RTF2: variants seen among roughly 807,000 people sequenced by gnomAD.
RTF2 encodes the protein UPF0549 protein C20orf43.
RTF2 carries 18 observed loss-of-function variants against 38.0 expected under a neutral mutation model. The observed-to-expected ratio is 0.47, with a 90% CI of 0.33 to 0.70. The LOEUF (loss-of-function observed/expected upper bound fraction) is 0.70, where lower values mean the gene tolerates loss of function less well. Among genes scored for constraint, RTF2 ranks in the 30% least tolerant of loss-of-function variants. The pLI is 0.02. For missense variants in RTF2, 311 were observed against 379.6 expected (o/e 0.82, Z 1.50); for synonymous variants, 126 against 137.1 (o/e 0.92, Z 0.57).
At chr20:56,501,815 C>T (rs1039657313) in intron 5 of RTF2, among the ~76,000 whole-genome samples, 1 of 152,110 alleles carries the variant, frequency 6.6e-6, no homozygotes, top group African/African-American at 2.4e-5. Flanking sequence ...CTGTAGTGAG[C>T]CGTGATCATG....
intron 5 of RTF2, among the ~76,000 whole-genome samples, chr20:56,485,974 GA>G (rs1982774676): frequency 6.6e-6 from 1 of 152,166 alleles, no homozygotes; most frequent in Non-Finnish European, 1.5e-5. Context: ...TTTATAAAGG[GA>G]GGGGCATTTG....
Position 56,476,856 on chromosome 20 carries a change from A to C in RTF2, c.259-129A>C. The stretch of plus-strand genomic sequence containing the variant: ...TATATCCATGTTTCTTATGGACCAG[A>C]GGAAAGTAACTGTGAGGGAGAGGTT... On this transcript the variant is annotated intron_variant, in intron 3 of 8. Coordinates refer to ENST00000357348, the MANE Select transcript of RTF2 (RefSeq NM_016407.5). 1.2e-5 allele frequency: 10 copies of C among 829,480 alleles called. No homozygotes were observed. The South Asian group carries it at 1.6e-4, about 14-fold the overall frequency. The allele number at this position is 829,480 out of a possible 1,614,324, so 51.4% of individuals were successfully genotyped here.
intron 5 of RTF2, among the ~76,000 whole-genome samples, chr20:56,512,138 C>T (rs140422447): frequency 1.5e-3 from 221 of 152,280 alleles, no homozygotes; most frequent in African/African-American, 5.0e-3. Context: ...TAAGCCACCG[C>T]GCCCAGTCTT....
rs936099674 is a variant in RTF2 at position 56,518,472 on chromosome 20, C to T, written c.*207C>T. 40 of 467,614 alleles carry T rather than the reference C, an allele frequency of 8.6e-5. No individual in the cohort carries two copies. The highest frequency in any genetic ancestry group is 1.4e-4 in the Non-Finnish European group (38 of 270,848). The allele number at this position is 467,614 out of a possible 1,614,324, so 29.0% of individuals were successfully genotyped here. ...GACATGGGAGGGGCTGCACAGTGGC[C>T]CGAGGTCATGCTTGCTTCCACCTGC... On this transcript the variant is annotated 3_prime_UTR_variant, in exon 9 of 9. Coordinates refer to ENST00000357348, the MANE Select transcript of RTF2 (RefSeq NM_016407.5).
chr20:56,490,048 T>G (rs902407426), intron 5 of RTF2, among the ~76,000 whole-genome samples: 3 of 152,236 alleles, frequency 2.0e-5, no homozygotes, highest in African/African-American at 7.2e-5. Flanking sequence ...GAAGAAAGAT[T>G]TGTTTAAACA....
At chr20:56,506,030 G>A (rs937884152) in intron 5 of RTF2, among the ~76,000 whole-genome samples, 12 of 152,126 alleles carry the variant, frequency 7.9e-5, no homozygotes, top group African/African-American at 2.4e-4. Context: ...GATGGGCACC[G>A]TCACGTATGG....
chr20:56,496,970 G>A (rs1413845593), intron 5 of RTF2: 1 of 1,551,590 alleles, frequency 6.4e-7, no homozygotes, highest in Non-Finnish European at 8.7e-7. Context: ...TTTCTCTGTT[G>A]GTTTTGATGG....
At chr20:56,477,570 A>G (rs1187192664) in intron 4 of RTF2, among the ~76,000 whole-genome samples, 2 of 152,080 alleles carry the variant, frequency 1.3e-5, no homozygotes, top group East Asian at 1.9e-4. Flanking sequence ...TTAAGTAGAA[A>G]TAAGGTCTCA....
intron 4 of RTF2, among the ~76,000 whole-genome samples, chr20:56,480,694 A>G (rs1000233454): frequency 6.6e-6 from 1 of 152,220 alleles, no homozygotes; most frequent in African/African-American, 2.4e-5. Flanking sequence ...CTTAAAGGCC[A>G]TTGTAGGGTT....
chr20:56,472,991 C>T (rs1982050374), intron 1 of RTF2, among the ~76,000 whole-genome samples: 1 of 152,030 alleles, frequency 6.6e-6, no homozygotes, highest in African/African-American at 2.4e-5. Context: ...ATTAGCCAGC[C>T]CTGGTGGTGT....
chr20:56,500,906 C>T (rs769024521), intron 5 of RTF2, among the ~76,000 whole-genome samples: 4 of 152,144 alleles, frequency 2.6e-5, no homozygotes, highest in South Asian at 2.1e-4. Flanking sequence ...TTCAGCCTCC[C>T]CAGCAGCTGG....
At chr20:56,480,887 G>A (rs772498580) in intron 4 of RTF2, among the ~76,000 whole-genome samples, 5 of 152,106 alleles carry the variant, frequency 3.3e-5, no homozygotes, top group Admixed American at 1.3e-4. Flanking sequence ...AACATCAAAC[G>A]TCACTGAGCA....
chr20:56,512,573 G>A lies in RTF2; in HGVS notation c.478-742G>A, dbSNP rs146882090. ...CGTTTCTACCACCACAACACTGTCA[G>A]GATGGTCTAGACCCTGCTCGCAGTC... On this transcript the variant is annotated intron_variant, in intron 5 of 8. Transcript: ENST00000357348. 3.5e-3 allele frequency among the ~76,000 whole-genome samples: 537 copies of A among 152,318 alleles called. 3 individuals are homozygous for A. The highest frequency in any genetic ancestry group is 0.012 in the African/African-American group (500 of 41,566).
intron 5 of RTF2, among the ~76,000 whole-genome samples, chr20:56,484,766 G>C (rs950809128): frequency 2.0e-5 from 3 of 152,240 alleles, no homozygotes; most frequent in Non-Finnish European, 4.4e-5. Flanking sequence ...AAATACTGAT[G>C]CTTTGCTTTA....
intron 5 of RTF2, among the ~76,000 whole-genome samples, chr20:56,490,543 G>A (rs571052905): frequency 7.9e-4 from 120 of 152,328 alleles, no homozygotes; most frequent in African/African-American, 1.1e-3. Context: ...GGCCGGGTGC[G>A]GTGGCTCACG....
At chr20:56,500,121 C>G (rs1484413116) in intron 5 of RTF2, among the ~76,000 whole-genome samples, 2 of 151,942 alleles carry the variant, frequency 1.3e-5, no homozygotes, top group African/African-American at 4.8e-5. Flanking sequence ...ATGGCGTGAT[C>G]TTGGCTCACT....
intron 5 of RTF2, chr20:56,497,251 C>G: frequency 1.9e-6 from 3 of 1,551,734 alleles, no homozygotes; most frequent in South Asian, 2.4e-5. Flanking sequence ...ATGGCCAGCT[C>G]CTTATGAATA....
intron 6 of RTF2, chr20:56,515,851 C>T (rs1985013204): frequency 6.6e-6 from 1 of 152,222 alleles, no homozygotes; most frequent in Admixed American, 6.5e-5. Flanking sequence ...TCCAGAGCTT[C>T]TGGGAATACC....
intron 5 of RTF2, among the ~76,000 whole-genome samples, chr20:56,495,547 T>G (rs1372317135): frequency 2.0e-5 from 3 of 152,214 alleles, no homozygotes. Context: ...GATCCCCATC[T>G]TTGTACTTGG....
Sources: allele counts gnomAD v4.1 joint callset (sites outside exome capture counted in the v4.1 genomes callset), GRCh38; gene constraint gnomAD v4.1.1; transcripts MANE v1.5; gene names NCBI Gene and HGNC (gene_info 2026-07-23, HGNC 2026-07-21).